The following SPATA17 variants were observed in gnomAD, a reference collection of about 807,000 sequenced individuals.
SPATA17 encodes spermatogenesis associated 17, also known as spermatogenesis-associated protein 17.
A neutral mutation model predicts 62.2 loss-of-function variants in SPATA17; 53 were observed. The observed-to-expected ratio is 0.85, with a 90% confidence interval of 0.68 to 1.07. The LOEUF is 1.07. Among genes scored for constraint, SPATA17 ranks in the 50% least tolerant of loss-of-function variants. SPATA17 has a pLI of 0.00. For synonymous variants in SPATA17, 146 were observed against 146.8 expected (o/e 0.99, Z 0.04); for missense variants, 466 against 425.5 (o/e 1.10, Z -0.84).
chr1:217,801,149 C>A (rs1015139096), intron 8 of SPATA17, among the ~76,000 whole-genome samples: 2 of 151,940 alleles, frequency 1.3e-5, no homozygotes, highest in African/African-American at 4.8e-5. Context: ...TTGTAATAAC[C>A]CTATATGGAA....
chr1:217,812,875 C>T (rs1426277423), intron 9 of SPATA17, among the ~76,000 whole-genome samples: 2 of 152,120 alleles, frequency 1.3e-5, no homozygotes, highest in Non-Finnish European at 2.9e-5. Flanking sequence ...TTTAATGGAA[C>T]CATTTGATGT....
chr1:217,844,466 G>A (rs1166468572), intron 9 of SPATA17, among the ~76,000 whole-genome samples: 1 of 152,030 alleles, frequency 6.6e-6, no homozygotes, highest in Non-Finnish European at 1.5e-5. Context: ...TACTCCTAGT[G>A]TGTTTTAAAA....
At chr1:217,786,750 T>TTTCTTCTTCTTCTC in intron 8 of SPATA17, among the ~76,000 whole-genome samples, 1 of 107,550 alleles carries the variant, frequency 9.3e-6, no homozygotes, top group Middle Eastern at 5.3e-3. Context: ...TGATATTCTC[T>TTTCTTCTTCTTCTC]TTCTTCTTCT....
intron 9 of SPATA17, among the ~76,000 whole-genome samples, chr1:217,836,008 A>T (rs1675252639): frequency 6.6e-6 from 1 of 151,892 alleles, no homozygotes; most frequent in Admixed American, 6.6e-5. Flanking sequence ...TCCCCACCTA[A>T]TCAGCAGCAA....
At chr1:217,715,991 T>C (rs914364625) in intron 5 of SPATA17, among the ~76,000 whole-genome samples, 27 of 152,214 alleles carry the variant, frequency 1.8e-4, no homozygotes, top group Non-Finnish European at 2.9e-5. Context: ...GCGTCGAGTT[T>C]CTAGGAAACT....
chr1:217,797,424 A>C (rs1277096027), intron 8 of SPATA17, among the ~76,000 whole-genome samples: 1 of 151,454 alleles, frequency 6.6e-6, no homozygotes, highest in Non-Finnish European at 1.5e-5. Context: ...TATTTTTTAT[A>C]TTTTTAGTAG....
At chr1:217,814,486 A>G (rs1018820869) in intron 9 of SPATA17, among the ~76,000 whole-genome samples, 3 of 152,122 alleles carry the variant, frequency 2.0e-5, no homozygotes, top group African/African-American at 7.2e-5. Flanking sequence ...TTGCCTATGA[A>G]ATTTTCTTTC....
intron 3 of SPATA17, among the ~76,000 whole-genome samples, chr1:217,667,520 A>C (rs1670726615): frequency 6.6e-6 from 1 of 152,176 alleles, no homozygotes; most frequent in African/African-American, 2.4e-5. Flanking sequence ...CAGTTTTCTA[A>C]GAATGGAAAT....
chr1:217,840,691 T>G lies in SPATA17; in HGVS notation c.1006-22083T>G, dbSNP rs376799847. On this transcript the variant is annotated intron_variant, in intron 9 of 10. Transcript: ENST00000366933. The stretch of plus-strand genomic sequence containing the variant: ...CTGGGCAACATGGCAAAACCCCATC[T>G]CTACAAAAAATACAAAAATTAGCTG... Among the ~76,000 whole-genome samples the G allele has an allele frequency of 2.2e-4, 33 of 151,968 alleles. No homozygotes were observed. The East Asian group carries it at 6.0e-3, about 28-fold the overall frequency.
At chr1:217,730,622 G>A (rs1373743079) in intron 5 of SPATA17, among the ~76,000 whole-genome samples, 1 of 152,052 alleles carries the variant, frequency 6.6e-6, no homozygotes, top group African/African-American at 2.4e-5. Flanking sequence ...AATTCCTGGG[G>A]AATGTACTAA....
chr1:217,741,421 G>A (rs1169355543), intron 5 of SPATA17, among the ~76,000 whole-genome samples: 1 of 151,988 alleles, frequency 6.6e-6, no homozygotes, highest in South Asian at 2.1e-4. Context: ...TGTGTAATTG[G>A]ACAAAATGTC....
At chr1:217,720,906 A>G (rs1292171383) in intron 5 of SPATA17, among the ~76,000 whole-genome samples, 1 of 152,148 alleles carries the variant, frequency 6.6e-6, no homozygotes, top group Non-Finnish European at 1.5e-5. Context: ...GAGTTCTGTG[A>G]GATATTTTGG....
chr1:217,742,023 G>A lies in SPATA17; in HGVS notation c.444G>A (p.Lys148=). 6.2e-7 allele frequency: 1 copy of A among 1,612,016 alleles called. No homozygotes were observed. The highest frequency in any genetic ancestry group is 1.1e-5 in the South Asian group (1 of 91,022). Residue 148 remains lysine, a synonymous_variant, in exon 6 of 11, where the codon AAG becomes AAA. Transcript: ENST00000366933. ...FAEMKEREEK[K]ANLEREEKKR... ...AAATGAAAGAAAGAGAAGAGAAGAA[G>A]GCTAACCTCGAAAGGGAAGAGAAGA...
intron 6 of SPATA17, among the ~76,000 whole-genome samples, chr1:217,760,470 G>A (rs919213450): frequency 2.6e-5 from 4 of 152,182 alleles, no homozygotes; most frequent in African/African-American, 9.6e-5. Flanking sequence ...CAAGTTTATA[G>A]AAGAAGACTA....
At chr1:217,654,293 A>C (rs565984755) in intron 3 of SPATA17, among the ~76,000 whole-genome samples, 2 of 151,844 alleles carry the variant, frequency 1.3e-5, no homozygotes, top group African/African-American at 4.8e-5. Flanking sequence ...ACCTGCCATC[A>C]CGCCCGGCTA....
intron 9 of SPATA17, among the ~76,000 whole-genome samples, chr1:217,829,861 A>G (rs1223343302): frequency 6.6e-6 from 1 of 151,918 alleles, no homozygotes; most frequent in African/African-American, 2.4e-5. Flanking sequence ...AATGTACAAC[A>G]TAAGGGCTAA....
chr1:217,816,716 G>A (rs1251941018), intron 9 of SPATA17, among the ~76,000 whole-genome samples: 1 of 151,970 alleles, frequency 6.6e-6, no homozygotes, highest in Admixed American at 6.6e-5. Context: ...TTTGAGTGAG[G>A]TAATTATTGA....
chr1:217,869,436 ACT>A lies in SPATA17; in HGVS notation c.*2420_*2421del, dbSNP rs915393559. Reference sequence around the variant, plus strand: ...CTTATCTGACTTAAAAAGGTGTCAGACTCTTAGTAAATTATCTCCTGGATCAG... The same window carrying A: ...CTTATCTGACTTAAAAAGGTGTCAGACTTAGTAAATTATCTCCTGGATCAG... On this transcript the variant is annotated 3_prime_UTR_variant, in exon 11 of 11. Transcript: ENST00000366933. The A allele has an allele frequency of 6.6e-5, 10 of 152,040 alleles. No individual in the cohort carries two copies. The highest frequency in any genetic ancestry group is 1.3e-4 in the Non-Finnish European group (9 of 68,014). The allele number at this position is 152,040 out of a possible 1,614,324, so 9.4% of individuals were successfully genotyped here.
At position 217,669,067 on chromosome 1, in the gene SPATA17, A is replaced by G. The variant is rs373634162; in HGVS notation, c.275A>G (p.Asn92Ser). 6.2e-6 allele frequency: 10 copies of G among 1,611,354 alleles called. No individual in the cohort carries two copies. The African/African-American group carries it at 1.3e-4, about 21-fold the overall frequency. ...TATACTATGATGATGAATCTCTACA[A>G]TGCAATGGCTGTCAGGGTAAATATT... ...AYYTMMMNLYNAMAVRIQRRW... is the reference protein window; with the variant it reads ...AYYTMMMNLYSAMAVRIQRRW... The change falls in exon 4 of 11, where the codon AAT becomes AGT. Residue 92 changes from asparagine (N) to serine (S), a missense_variant. Coordinates refer to ENST00000366933, the MANE Select transcript of SPATA17 (RefSeq NM_138796.4).
Sources: allele counts gnomAD v4.1 joint callset (sites outside exome capture counted in the v4.1 genomes callset), GRCh38; gene constraint gnomAD v4.1.1; transcripts MANE v1.5; gene names NCBI Gene and HGNC (gene_info 2026-07-23, HGNC 2026-07-21).